Variants in RAB4B observed in about 807,000 individuals in gnomAD.
The protein encoded by RAB4B is RAB4B, member RAS oncogene family.
RAB4B carries 15 observed loss-of-function variants against 28.3 expected under a neutral mutation model. The ratio of observed to expected loss-of-function variants is 0.53; its 90% CI spans 0.35 to 0.82. RAB4B has a LOEUF of 0.82. Among genes scored for constraint, RAB4B ranks in the 40% least tolerant of loss-of-function variants. The probability of loss-of-function intolerance (pLI) is 0.01; values close to 1 mark genes in which losing one functional copy is unlikely to be tolerated. For synonymous variants in RAB4B, 108 were observed against 116.3 expected, an observed-to-expected ratio of 0.93 and a Z score of 0.46; for missense variants, 244 against 288.5, an observed-to-expected ratio of 0.85 and a Z score of 1.12.
chr19:40,787,696 G>A (rs1161949391), intron 7 of RAB4B, among the ~76,000 whole-genome samples: 1 of 151,064 alleles, frequency 6.6e-6, no homozygotes, highest in African/African-American at 2.4e-5. Flanking sequence ...GGGGTCAGGT[G>A]GGATGAGGGG....
At chr19:40,793,856 A>G (rs111684981) in intron 7 of RAB4B, among the ~76,000 whole-genome samples, 4,429 of 151,778 alleles carry the variant, frequency 0.029, 81 homozygotes, top group African/African-American at 0.044. Context: ...CCCTGGAATC[A>G]GAGGTTTTAG....
At chr19:40,779,384 A>G (rs1044966310) in intron 1 of RAB4B, 2 of 152,826 alleles carry the variant, frequency 1.3e-5, no homozygotes, top group African/African-American at 4.8e-5. Flanking sequence ...TGAGCTGTTG[A>G]TGTGAGTAAA....
intron 7 of RAB4B, among the ~76,000 whole-genome samples, chr19:40,791,594 C>T (rs893885640): frequency 5.3e-5 from 8 of 152,036 alleles, no homozygotes; most frequent in Admixed American, 1.3e-4. Flanking sequence ...CCCTGGCAAC[C>T]TCCTTCCTCC....
In RAB4B at chr19:40,783,823, G is replaced by A. The variant is rs1197486722; in HGVS notation, c.258G>A (p.Leu86=). 20 of 1,578,914 alleles carry A rather than the reference G, an allele frequency of 1.3e-5. No homozygotes were observed. In the Admixed American group the frequency reaches 3.5e-4, roughly 28 times the overall value. Residue 86 remains leucine (L), a synonymous_variant, in exon 4 of 8, where the codon CTG becomes CTA. Coordinates refer to ENST00000357052, the MANE Select transcript of RAB4B (RefSeq NM_016154.5). ...SYYRGAAGAL[L]VYDITSRETY... ...ACCGAGGGGCGGCTGGAGCCCTGCT[G>A]GTGTACGACATCACCAGGTGGGTGC...
In RAB4B at chr19:40,796,661, G is replaced by C. The variant is rs148725536; in HGVS notation, c.*107G>C. On this transcript the variant is annotated 3_prime_UTR_variant, in exon 8 of 8. Transcript: ENST00000357052. ...CCTGCCCTGGCCCCGGAGAAGCTAC[G>C]TTGCCACCTGTCCCCCTTCCCTGGC... 1 of 153,030 alleles carries C rather than the reference G, an allele frequency of 6.5e-6. No individual in the cohort carries two copies. The highest frequency in any genetic ancestry group is 2.1e-4 in the South Asian group (1 of 4,846). 9.5% of individuals were successfully genotyped at this position (153,030 alleles called of 1,614,324 possible).
intron 5 of RAB4B, chr19:40,786,459 C>T: frequency 1.5e-6 from 1 of 654,356 alleles, no homozygotes. Context: ...GGAGGAGGAG[C>T]TGTGTGAGCT....
At chr19:40,778,653 G>A (rs1461526379) in intron 1 of RAB4B, among the ~76,000 whole-genome samples, 1 of 152,146 alleles carries the variant, frequency 6.6e-6, no homozygotes, top group Non-Finnish European at 1.5e-5. Context: ...GAGGCCCTGA[G>A]GGAAGAGGTG....
intron 7 of RAB4B, among the ~76,000 whole-genome samples, chr19:40,795,486 G>A (rs1439215407): frequency 4.6e-5 from 7 of 151,498 alleles, no homozygotes; most frequent in South Asian, 2.1e-4. Flanking sequence ...TGCAACCTCC[G>A]CCTCCTGGGT....
chr19:40,786,651 G>C lies in RAB4B; in HGVS notation c.431-14G>C. ...CTAACTGGGGCCCTGACCTCAGAGTGTGTGCCCCTGCAGAGCTGATGTTCC... is the reference window on the plus strand; with the variant it reads ...CTAACTGGGGCCCTGACCTCAGAGTCTGTGCCCCTGCAGAGCTGATGTTCC... On this transcript the variant is annotated splice_polypyrimidine_tract_variant and intron_variant, in intron 5 of 7. Coordinates refer to ENST00000357052, the MANE Select transcript of RAB4B (RefSeq NM_016154.5). The C allele has an allele frequency of 6.2e-7, 1 of 1,613,920 alleles. No individual in the cohort carries two copies. The highest frequency in any genetic ancestry group is 1.3e-5 in the African/African-American group (1 of 75,004).
At position 40,785,555 on chromosome 19, in the gene RAB4B, A is replaced by G. The variant is rs550588445; in HGVS notation, c.431-1110A>G. 3 of 152,248 alleles carry G rather than the reference A, an allele frequency of 2.0e-5. No individual in the cohort carries two copies. In the East Asian group the frequency reaches 5.8e-4, roughly 29 times the overall value. 9.4% of individuals were successfully genotyped at this position (152,248 alleles called of 1,614,324 possible). On this transcript the variant is annotated intron_variant, in intron 5 of 7. Coordinates refer to ENST00000357052, the MANE Select transcript of RAB4B (RefSeq NM_016154.5). ...GTTTGCAAGTATAAACTCATTTGAA[A>G]ACATTGTGTTGGCCAAACCACCCAC...
chr19:40,779,152 A>T, intron 1 of RAB4B: 1 of 353,026 alleles, frequency 2.8e-6, no homozygotes, highest in Non-Finnish European at 4.0e-6. Context: ...AAGAGGAACA[A>T]GGGCTATATC....
intron 2 of RAB4B, 93 bp downstream of exon 2, chr19:40,780,192 C>T: frequency 6.4e-7 from 1 of 1,557,482 alleles, no homozygotes; most frequent in South Asian, 1.2e-5. Flanking sequence ...CAGGGCTGGC[C>T]ATAGGTACAA....
At chr19:40,787,995 C>T (rs1379463666) in intron 7 of RAB4B, among the ~76,000 whole-genome samples, 1 of 139,794 alleles carries the variant, frequency 7.2e-6, no homozygotes, top group African/African-American at 2.6e-5. Context: ...AAAGAGACAT[C>T]TGCCAGGCCA....
Position 40,778,308 on chromosome 19 carries a change from G to C in RAB4B, c.-68G>C. ...GCCGGGGCTGTAGCCGGAGTGGAGC[G>C]GCTGCCAGCCGAGGAGCAGGCGCGG... On this transcript the variant is annotated 5_prime_UTR_variant, in exon 1 of 8. Transcript: ENST00000357052. 1 of 1,450,434 alleles carries C rather than the reference G, an allele frequency of 6.9e-7. No homozygotes were observed. The highest frequency in any genetic ancestry group is 9.1e-7 in the Non-Finnish European group (1 of 1,093,986). 89.8% of individuals were successfully genotyped at this position (1,450,434 alleles called of 1,614,324 possible).
At chr19:40,780,261 G>T in intron 2 of RAB4B, 124 bp from the exon 3 acceptor site, 4 of 1,431,392 alleles carry the variant, frequency 2.8e-6, no homozygotes, top group South Asian at 1.4e-5. Flanking sequence ...GGTTCTCCTT[G>T]ACCTCAAGTC....
At chr19:40,794,297 A>G (rs907820395) in intron 7 of RAB4B, among the ~76,000 whole-genome samples, 3 of 152,050 alleles carry the variant, frequency 2.0e-5, no homozygotes, top group African/African-American at 7.2e-5. Flanking sequence ...GGCTGGTCTC[A>G]AACTCCTGAC....
At chr19:40,781,338 A>T (rs992509908) in intron 3 of RAB4B, among the ~76,000 whole-genome samples, 4 of 151,334 alleles carry the variant, frequency 2.6e-5, no homozygotes, top group African/African-American at 9.7e-5. Flanking sequence ...AAATAAATAA[A>T]TAAATAAGGG....
At chr19:40,782,092 G>A (rs1390284217) in intron 3 of RAB4B, among the ~76,000 whole-genome samples, 1 of 151,292 alleles carries the variant, frequency 6.6e-6, no homozygotes, top group African/African-American at 2.4e-5. Flanking sequence ...AGGGAATTCA[G>A]TCCACGGAAA....
chr19:40,787,119 C>T, intron 7 of RAB4B, 141 bp downstream of exon 7: 2 of 823,198 alleles, frequency 2.4e-6, no homozygotes, highest in South Asian at 3.3e-5. Context: ...AAGGAGGCAT[C>T]TGGCTGGGCG....
Sources: gnomAD v4.1 joint callset for allele counts (sites outside exome capture counted in the v4.1 genomes callset) on GRCh38, gnomAD v4.1.1 for gene constraint, MANE v1.5 for transcripts, NCBI Gene and HGNC (gene_info 2026-07-23, HGNC 2026-07-21) for gene names.